ZNF385D: variants seen among roughly 807,000 people sequenced by gnomAD.
ZNF385D encodes zinc finger protein 659.
In ZNF385D, 15 loss-of-function variants were observed where a neutral mutation model predicts 35.8. The ratio of observed to expected loss-of-function variants is 0.42; its 90% CI spans 0.28 to 0.64. The LOEUF (loss-of-function observed/expected upper bound fraction) is 0.64. Ranked by LOEUF, ZNF385D falls within the 30% of genes least tolerant of loss-of-function variation. The pLI, the probability that ZNF385D is intolerant of heterozygous loss-of-function variation, is 0.23. For missense variants in ZNF385D, 474 were observed against 494.6 expected, an observed-to-expected ratio of 0.96 and a Z score of 0.39; for synonymous variants, 212 against 186.8, an observed-to-expected ratio of 1.13 and a Z score of -1.10.
intron 1 of ZNF385D, among the ~76,000 whole-genome samples, chr3:21,671,682 ATACACCT>A (rs1239261275): frequency 2.6e-5 from 4 of 152,204 alleles, no homozygotes; most frequent in Non-Finnish European, 4.4e-5. Flanking sequence ...AATTTAAAAA[ATACACCT>A]TACAGAATCA....
intron 2 of ZNF385D, among the ~76,000 whole-genome samples, chr3:21,656,793 A>G (rs2066084236): frequency 6.6e-6 from 1 of 151,968 alleles, no homozygotes; most frequent in Non-Finnish European, 1.5e-5. Flanking sequence ...TACCTGTAAA[A>G]TAAGCATGTT....
intron 3 of ZNF385D, among the ~76,000 whole-genome samples, chr3:22,083,290 T>C (rs1347789408): frequency 8.8e-6 from 1 of 113,226 alleles, no homozygotes; most frequent in Non-Finnish European, 1.9e-5. Flanking sequence ...TTCTCCGAGC[T>C]AAAGGAGGAT....
chr3:21,854,249 G>C (rs1383580013), intron 3 of ZNF385D, among the ~76,000 whole-genome samples: 1 of 151,768 alleles, frequency 6.6e-6, no homozygotes, highest in Admixed American at 6.6e-5. Flanking sequence ...TCATTTCCTG[G>C]CTACAATATT....
intron 1 of ZNF385D, among the ~76,000 whole-genome samples, chr3:21,670,658 C>G (rs1256178332): frequency 3.4e-4 from 2 of 5,940 alleles, no homozygotes; most frequent in Non-Finnish European, 1.6e-3. Context: ...GCGCCCCCCC[C>G]CCCCCCCCCC....
chr3:21,766,611 C>T (rs2070841776), intron 3 of ZNF385D, among the ~76,000 whole-genome samples: 1 of 152,016 alleles, frequency 6.6e-6, no homozygotes, highest in Non-Finnish European at 1.5e-5. Context: ...GAATAGAGAA[C>T]ATTTATTAAA....
At chr3:22,198,625 A>AT (rs1253831293) in intron 2 of ZNF385D, among the ~76,000 whole-genome samples, 1 of 152,026 alleles carries the variant, frequency 6.6e-6, no homozygotes, top group African/African-American at 2.4e-5. Context: ...CAGACCTTTA[A>AT]TTTTTTTCTT....
intron 3 of ZNF385D, among the ~76,000 whole-genome samples, chr3:22,024,516 G>A (rs1332422576): frequency 6.6e-6 from 1 of 151,862 alleles, no homozygotes; most frequent in East Asian, 1.9e-4. Flanking sequence ...CTAATAGTAT[G>A]GAGAACTAAT....
At chr3:21,613,580 A>G (rs1376062776) in intron 2 of ZNF385D, among the ~76,000 whole-genome samples, 1 of 152,220 alleles carries the variant, frequency 6.6e-6, no homozygotes, top group African/African-American at 2.4e-5. Flanking sequence ...CATTTGGTCA[A>G]GATGACCCTT....
intron 2 of ZNF385D, among the ~76,000 whole-genome samples, chr3:22,214,231 A>C (rs1283897510): frequency 6.6e-6 from 1 of 152,096 alleles, no homozygotes; most frequent in Non-Finnish European, 1.5e-5. Flanking sequence ...GACACTTATC[A>C]CTTCCTTAAT....
intron 3 of ZNF385D, among the ~76,000 whole-genome samples, chr3:21,924,678 G>A (rs1411771489): frequency 6.6e-6 from 1 of 152,100 alleles, no homozygotes; most frequent in Non-Finnish European, 1.5e-5. Context: ...TCTATCCAGG[G>A]AGTAATAAGG....
chr3:21,564,768 A>AATC (rs1176908757), intron 2 of ZNF385D, 84 bp from the exon 3 acceptor site: 2 of 701,972 alleles, frequency 2.8e-6, no homozygotes, highest in Non-Finnish European at 4.6e-6. Flanking sequence ...TTAAAGAACC[A>AATC]ATCTGTACAG....
chr3:21,712,128 T>C (rs984577812), intron 1 of ZNF385D, among the ~76,000 whole-genome samples: 1 of 152,132 alleles, frequency 6.6e-6, no homozygotes, highest in South Asian at 2.1e-4. Context: ...AGTCAGGTAA[T>C]GATTCCCCAA....
intron 2 of ZNF385D, among the ~76,000 whole-genome samples, chr3:21,614,312 G>T (rs1473875372): frequency 6.6e-6 from 1 of 152,166 alleles, no homozygotes; most frequent in East Asian, 1.9e-4. Context: ...GTCTCTTCTT[G>T]TATGTCCTAA....
chr3:21,940,851 T>C (rs937379816), intron 3 of ZNF385D, among the ~76,000 whole-genome samples: 2 of 152,138 alleles, frequency 1.3e-5, no homozygotes, highest in Non-Finnish European at 2.9e-5. Context: ...AATACAGAAA[T>C]AGTTTTGAAT....
chr3:22,048,529 A>C (rs1237482862), intron 3 of ZNF385D, among the ~76,000 whole-genome samples: 1 of 152,192 alleles, frequency 6.6e-6, no homozygotes, highest in African/African-American at 2.4e-5. Flanking sequence ...TGTTCTGGAC[A>C]TCTTTGTTGA....
At chr3:21,811,335 C>T (rs1246605595) in intron 3 of ZNF385D, among the ~76,000 whole-genome samples, 10 of 151,982 alleles carry the variant, frequency 6.6e-5, no homozygotes, top group Non-Finnish European at 1.3e-4. Context: ...TGCTGAATTT[C>T]AGGACTGGGA....
At chr3:22,270,166 C>G (rs779731553) in intron 2 of ZNF385D, among the ~76,000 whole-genome samples, 10 of 151,978 alleles carry the variant, frequency 6.6e-5, no homozygotes, top group Middle Eastern at 3.4e-3. Context: ...GATTTATTTC[C>G]CCCTAGAAAA....
intron 2 of ZNF385D, among the ~76,000 whole-genome samples, chr3:22,305,114 C>T (rs1019327897): frequency 6.6e-6 from 1 of 151,942 alleles, no homozygotes; most frequent in Admixed American, 6.6e-5. Flanking sequence ...TTCCTTTAAT[C>T]TTTCTTATTA....
At chr3:22,037,411 G>C (rs1273969491) in intron 3 of ZNF385D, among the ~76,000 whole-genome samples, 1 of 151,906 alleles carries the variant, frequency 6.6e-6, no homozygotes, top group Non-Finnish European at 1.5e-5. Context: ...ATTCTAACTG[G>C]TGTGAGATGG....
Sources: gnomAD v4.1 joint callset for allele counts (sites outside exome capture counted in the v4.1 genomes callset) on GRCh38, gnomAD v4.1.1 for gene constraint, MANE v1.5 for transcripts, NCBI Gene and HGNC (gene_info 2026-07-23, HGNC 2026-07-21) for gene names.